The following CA10 variants were observed in gnomAD, a reference collection of about 807,000 sequenced individuals.
The protein encoded by CA10 is carbonic anhydrase-related protein 10.
Under a neutral mutation model 44.2 loss-of-function variants are expected in CA10, and 14 were observed. The ratio of observed to expected loss-of-function variants is 0.32; its 90% confidence interval spans 0.21 to 0.50. CA10 has a LOEUF of 0.50. Among genes scored for constraint, CA10 ranks in the 20% least tolerant of loss-of-function variants. CA10 has a pLI of 0.99. For missense variants in CA10, 350 were observed against 409.7 expected (o/e 0.85, Z 1.26); for synonymous variants, 159 against 141.6 (o/e 1.12, Z -0.87).
At chr17:51,927,239 T>G (rs1031496264) in intron 3 of CA10, among the ~76,000 whole-genome samples, 5 of 152,188 alleles carry the variant, frequency 3.3e-5, no homozygotes, top group African/African-American at 1.2e-4. Context: ...TCCTACTTTT[T>G]ATACTTAACA....
At chr17:52,159,714 G>A (rs1332643059), upstream of CA10, 1 of 152,230 alleles carries the variant, frequency 6.6e-6, no homozygotes, top group African/African-American at 2.4e-5. Flanking sequence ...GGGGCAGCCA[G>A]TCCGCAGAAG....
intron 4 of CA10, among the ~76,000 whole-genome samples, chr17:51,737,635 G>A (rs529751422): frequency 1.2e-4 from 18 of 152,242 alleles, no homozygotes; most frequent in African/African-American, 4.3e-4. Flanking sequence ...AGATCACACA[G>A]CCAATAAGTG....
chr17:52,157,654 C>A (rs998900271), intron 1 of CA10, 72 bp downstream of exon 1: 3 of 1,406,402 alleles, frequency 2.1e-6, no homozygotes, highest in South Asian at 2.3e-5. Context: ...CGGCTATATA[C>A]AATAAAACCC....
At chr17:51,949,051 C>T (rs112333838) in intron 2 of CA10, among the ~76,000 whole-genome samples, 3 of 152,170 alleles carry the variant, frequency 2.0e-5, no homozygotes, top group African/African-American at 7.2e-5. Flanking sequence ...TTAAAAATAA[C>T]GGATACTATG....
intron 2 of CA10, among the ~76,000 whole-genome samples, chr17:51,972,065 C>T (rs923848623): frequency 6.6e-6 from 1 of 151,544 alleles, no homozygotes; most frequent in African/African-American, 2.4e-5. Flanking sequence ...AAGATATGGG[C>T]ATATGTAATT....
At chr17:51,927,589 A>T (rs1982483201) in intron 3 of CA10, among the ~76,000 whole-genome samples, 1 of 152,160 alleles carries the variant, frequency 6.6e-6, no homozygotes, top group Admixed American at 6.5e-5. Flanking sequence ...TTCATTTTCA[A>T]ATTACCAAGA....
chr17:51,983,503 C>T (rs1984722747), intron 2 of CA10, among the ~76,000 whole-genome samples: 1 of 151,732 alleles, frequency 6.6e-6, no homozygotes, highest in South Asian at 2.1e-4. Flanking sequence ...ACTTAAATAA[C>T]TCTGAGAATG....
intron 4 of CA10, among the ~76,000 whole-genome samples, chr17:51,734,601 A>G (rs747040070): frequency 2.0e-5 from 3 of 152,148 alleles, no homozygotes; most frequent in Non-Finnish European, 4.4e-5. Context: ...AATGAGGAAT[A>G]TTCTATTTGC....
intron 3 of CA10, among the ~76,000 whole-genome samples, chr17:51,885,948 A>T (rs891238777): frequency 1.3e-5 from 2 of 152,396 alleles, no homozygotes; most frequent in East Asian, 1.9e-4. Context: ...TAGGTGGGAA[A>T]GATGAGGTTT....
At chr17:51,746,404 A>T (rs1393370943) in intron 4 of CA10, among the ~76,000 whole-genome samples, 1 of 152,242 alleles carries the variant, frequency 6.6e-6, no homozygotes, top group Non-Finnish European at 1.5e-5. Context: ...TGTGTATCAA[A>T]GCAAGACTAC....
intron 2 of CA10, among the ~76,000 whole-genome samples, chr17:51,931,543 A>T (rs1012048467): frequency 6.6e-6 from 1 of 152,070 alleles, no homozygotes; most frequent in Non-Finnish European, 1.5e-5. Context: ...ACCTTATCCT[A>T]TTTGGAAGTT....
At chr17:51,925,300 AG>A in intron 3 of CA10, among the ~76,000 whole-genome samples, 1 of 152,288 alleles carries the variant, frequency 6.6e-6, no homozygotes, top group South Asian at 2.1e-4. Context: ...TATCAGGAAC[AG>A]GTTGTATTCC....
At chr17:51,789,240 T>C (rs962818611) in intron 3 of CA10, among the ~76,000 whole-genome samples, 3 of 152,114 alleles carry the variant, frequency 2.0e-5, no homozygotes, top group African/African-American at 7.2e-5. Context: ...GGTCTCGAAC[T>C]TATGACCTCA....
At chr17:52,010,401 T>A (rs995459142) in intron 2 of CA10, among the ~76,000 whole-genome samples, 1 of 151,934 alleles carries the variant, frequency 6.6e-6, no homozygotes, top group African/African-American at 2.4e-5. Context: ...TGTGTGTGTA[T>A]GTGTATGTAC....
At chr17:51,932,186 T>G (rs1982692147) in intron 2 of CA10, among the ~76,000 whole-genome samples, 1 of 151,978 alleles carries the variant, frequency 6.6e-6, no homozygotes, top group South Asian at 2.1e-4. Context: ...GTTATGAGAC[T>G]CCGGATGAGG....
At chr17:51,891,683 G>A (rs1980862680) in intron 3 of CA10, among the ~76,000 whole-genome samples, 1 of 152,198 alleles carries the variant, frequency 6.6e-6, no homozygotes, top group Non-Finnish European at 1.5e-5. Flanking sequence ...GAAGTCAGGA[G>A]GCAGGCAGGT....
At chr17:52,143,959 T>A (rs371943030) in intron 1 of CA10, among the ~76,000 whole-genome samples, 10 of 152,348 alleles carry the variant, frequency 6.6e-5, no homozygotes, top group African/African-American at 2.4e-4. Context: ...TTCCCTTTTA[T>A]GCCTTTTGCT....
intron 3 of CA10, among the ~76,000 whole-genome samples, chr17:51,818,168 C>T (rs1241122942): frequency 6.6e-6 from 1 of 152,202 alleles, no homozygotes; most frequent in Non-Finnish European, 1.5e-5. Flanking sequence ...CTCTCTGAGC[C>T]TCACTCCATT....
chr17:52,035,692 G>T (rs1986596808), intron 2 of CA10, among the ~76,000 whole-genome samples: 1 of 152,174 alleles, frequency 6.6e-6, no homozygotes, highest in Admixed American at 6.5e-5. Flanking sequence ...GGCCCACATG[G>T]AGTTCACTCC....
Sources: allele counts gnomAD v4.1 joint callset (sites outside exome capture counted in the v4.1 genomes callset), GRCh38; gene constraint gnomAD v4.1.1; transcripts MANE v1.5; gene names NCBI Gene and HGNC (gene_info 2026-07-23, HGNC 2026-07-21).